Variants in PHKA2 observed in about 807,000 individuals in gnomAD.
PHKA2 encodes the protein phosphorylase kinase regulatory subunit alpha 2, also known as phosphorylase b kinase regulatory subunit alpha, liver isoform.
Under a neutral mutation model 102.0 loss-of-function variants are expected in PHKA2, and 31 were observed. The ratio of observed to expected loss-of-function variants is 0.30; its 90% confidence interval spans 0.23 to 0.41. The LOEUF (loss-of-function observed/expected upper bound fraction) is 0.41, where lower values mean the gene tolerates loss of function less well. PHKA2 is among the 10% of genes least tolerant of loss of function. The pLI is 1.00. For missense variants in PHKA2, 858 were observed against 1,023.1 expected, an observed-to-expected ratio of 0.84 and a Z score of 2.20; for synonymous variants, 455 against 416.2, an observed-to-expected ratio of 1.09 and a Z score of -1.13.
In PHKA2 at chrX:18,908,068, T is replaced by G. The variant is rs148877451; in HGVS notation, c.2361-12A>C. The G allele has an allele frequency of 5.3e-3, 6,436 of 1,203,196 alleles. 221 individuals carry two copies. The African/African-American group carries it at 0.098, about 18-fold the overall frequency. ...CCCAGCTGGGACCCCTGCCAAGAGG[T>G]AGAAAAACCCAGAAATATGGTCCAG... On this transcript the variant is annotated splice_polypyrimidine_tract_variant and intron_variant, in intron 21 of 32. Coordinates refer to ENST00000379942, the MANE Select transcript of PHKA2 (RefSeq NM_000292.3).
intron 1 of PHKA2, among the ~76,000 whole-genome samples, chrX:18,981,463 C>A (rs997751786): frequency 3.6e-5 from 4 of 111,483 alleles, no homozygotes; most frequent in Admixed American, 1.9e-4. Flanking sequence ...GAAGACAATT[C>A]TTTTGCTTCT....
intron 1 of PHKA2, among the ~76,000 whole-genome samples, chrX:18,970,413 A>C (rs1268827978): frequency 1.1e-4 from 12 of 112,182 alleles, no homozygotes; most frequent in Non-Finnish European, 9.4e-5. Context: ...TATTAACTAC[A>C]GTCAACTATA....
intron 1 of PHKA2, among the ~76,000 whole-genome samples, chrX:18,956,816 G>A (rs1161720290): frequency 8.9e-6 from 1 of 112,912 alleles, no homozygotes; most frequent in Non-Finnish European, 1.9e-5. Context: ...GAAGAAGATG[G>A]GGGTGGTTCC....
At chrX:18,921,799 T>A (rs1489696414) in intron 17 of PHKA2, among the ~76,000 whole-genome samples, 1 of 111,901 alleles carries the variant, frequency 8.9e-6, no homozygotes, top group Non-Finnish European at 1.9e-5. Context: ...CTTCTGCCAA[T>A]GGCTCTCTGA....
chrX:18,966,025 C>A (rs1308710966), intron 1 of PHKA2, among the ~76,000 whole-genome samples: 1 of 106,380 alleles, frequency 9.4e-6, no homozygotes, highest in Non-Finnish European at 1.9e-5. Context: ...TGTCAGCTCA[C>A]GAGAAGAATT....
chrX:18,928,748 TG>T (rs901616262), intron 13 of PHKA2, among the ~76,000 whole-genome samples: 90 of 112,515 alleles, frequency 8.0e-4, no homozygotes, highest in Non-Finnish European at 4.1e-4. Context: ...TGAAATCACT[TG>T]GCTAGGCGGA....
chrX:18,893,572 C>A lies in PHKA2; in HGVS notation c.3621G>T (p.Gly1207=), dbSNP rs780069765. 7 of 1,209,635 alleles carry A rather than the reference C, an allele frequency of 5.8e-6. No homozygotes were observed. The African/African-American group carries it at 1.0e-4, about 18-fold the overall frequency. The change falls in exon 33 of 33, where the codon GGG becomes GGT. Residue 1207 remains glycine, a synonymous_variant. Transcript: ENST00000379942. ...TTAGGTAGGTCATCGTCCCATAAGC[C>A]CCACTCGGAGCGCTGTCATAAAAGA... ...CHFFYDSAPS[G]AYGTMTYLTR...
chrX:18,951,336 C>A, intron 3 of PHKA2, 64 bp from the exon 4 acceptor site: 4 of 1,065,474 alleles, frequency 3.8e-6, no homozygotes, highest in Non-Finnish European at 5.2e-6. Context: ...GAGATCACGG[C>A]CATGGCCAGC....
chrX:18,942,885 T>C (rs951039068), intron 7 of PHKA2, among the ~76,000 whole-genome samples: 1 of 102,633 alleles, frequency 9.7e-6, no homozygotes, highest in African/African-American at 3.6e-5. Flanking sequence ...CCCCAAGAAA[T>C]ACCGGGACTA....
rs941019487 is a variant in PHKA2 at position 18,893,265 on chromosome X, C to T, written c.*220G>A. 10 of 444,687 alleles carry T rather than the reference C, an allele frequency of 2.2e-5. No homozygotes were observed. The highest frequency in any genetic ancestry group is 7.4e-5 in the African/African-American group (3 of 40,477). 36.6% of individuals were successfully genotyped at this position (444,687 alleles called of 1,213,427 possible). ...GAGAAATGAACCTAGAAAATGATCC[C>T]GGGGTGCTCCTTGCGGGGGAACACA... On this transcript the variant is annotated 3_prime_UTR_variant, in exon 33 of 33. Transcript: ENST00000379942.
intron 7 of PHKA2, among the ~76,000 whole-genome samples, chrX:18,941,891 G>A (rs1290856319): frequency 8.9e-6 from 1 of 112,780 alleles, no homozygotes; most frequent in African/African-American, 3.2e-5. Context: ...GGAGAGCATG[G>A]TACTGTCTGA....
At chrX:18,938,255 T>C (rs2048424657) in intron 10 of PHKA2, among the ~76,000 whole-genome samples, 1 of 112,926 alleles carries the variant, frequency 8.9e-6, no homozygotes, top group Non-Finnish European at 1.9e-5. Flanking sequence ...AAGCTAGCCA[T>C]GTGGAGGAGA....
At chrX:18,923,426 T>C (rs1008020478) in intron 17 of PHKA2, among the ~76,000 whole-genome samples, 2 of 111,638 alleles carry the variant, frequency 1.8e-5, no homozygotes, top group African/African-American at 6.5e-5. Flanking sequence ...ACCTCTGCCT[T>C]GTGACAGTAG....
In PHKA2 at chrX:18,900,671, T is replaced by C. The variant is rs1355028238; in HGVS notation, c.3056A>G (p.Gln1019Arg). The C allele has an allele frequency of 8.3e-7, 1 of 1,207,581 alleles. No homozygotes were observed. Among genetic ancestry groups the C allele is most frequent in the Admixed American group, 2.2e-5 (1 of 46,002 alleles). ...ACGAACAAGGCAAAGGGGTGTCACC[T>C]GTTCATCAGCACTAAACCGCCTAGT... Reference protein sequence around the residue: ...QMTRRFSADEQFFSVGQAASS... With the variant: ...QMTRRFSADERFFSVGQAASS... Residue 1019 changes from glutamine to arginine, a missense_variant and splice_region_variant, in exon 28 of 33, where the codon CAG (glutamine) becomes CGG (arginine). Physicochemically the swap from Gln to Arg is conservative, Grantham distance 43. This residue lies in a region of PHKA2 where 671 missense variants were observed against 745.2 expected (regional missense o/e 0.90). Coordinates refer to ENST00000379942, the MANE Select transcript of PHKA2 (RefSeq NM_000292.3).
intron 28 of PHKA2, among the ~76,000 whole-genome samples, chrX:18,899,999 G>A (rs1190812091): frequency 9.0e-6 from 1 of 111,530 alleles, no homozygotes; most frequent in Non-Finnish European, 1.9e-5. Context: ...CAGGCCATCG[G>A]GATGCGGGGA....
intron 31 of PHKA2, 106 bp from the exon 32 acceptor site, chrX:18,894,510 C>G: frequency 3.0e-6 from 2 of 660,458 alleles, no homozygotes; most frequent in South Asian, 4.6e-5. Context: ...GGGCTCGGGG[C>G]TCAGCGCCAC....
At chrX:18,908,780 C>G in intron 21 of PHKA2, 21 bp downstream of exon 21, 2 of 1,167,481 alleles carry the variant, frequency 1.7e-6, no homozygotes, top group Non-Finnish European at 2.3e-6. Flanking sequence ...TATAACTGCC[C>G]GAATGGACTC....
chrX:18,937,930 C>T (rs1263637034), intron 10 of PHKA2, among the ~76,000 whole-genome samples: 1 of 111,745 alleles, frequency 8.9e-6, no homozygotes, highest in Non-Finnish European at 1.9e-5. Context: ...CAAGAGCACC[C>T]CAAACTAGGG....
intron 1 of PHKA2, among the ~76,000 whole-genome samples, chrX:18,961,268 CTGAAA>C (rs1445484078): frequency 8.9e-6 from 1 of 112,209 alleles, no homozygotes; most frequent in African/African-American, 3.2e-5. Context: ...GATTTACAGT[CTGAAA>C]TATCTTTTCA....
Sources: gnomAD v4.1 joint callset for allele counts (sites outside exome capture counted in the v4.1 genomes callset) on GRCh38, gnomAD v4.1.1 for gene constraint, gnomAD v4.1.1 regional missense constraint, MANE v1.5 for transcripts, NCBI Gene and HGNC (gene_info 2026-07-23, HGNC 2026-07-21) for gene names.